IFT122: variants seen among roughly 807,000 people sequenced by gnomAD.
The protein encoded by IFT122 is intraflagellar transport protein 122 homolog.
A neutral mutation model predicts 161.6 loss-of-function variants in IFT122; 118 were observed. The observed-to-expected ratio is 0.73, with a 90% confidence interval of 0.63 to 0.85. IFT122 has a LOEUF of 0.85. IFT122 is among the 40% of genes least tolerant of loss of function. IFT122 has a pLI of 0.00. For synonymous variants in IFT122, 550 were observed against 602.4 expected (o/e 0.91, Z 1.27); for missense variants, 1,381 against 1,579.6 (o/e 0.87, Z 2.13).
chr3:129,456,561 TG>T (rs2075516618), intron 3 of IFT122, among the ~76,000 whole-genome samples: 1 of 150,160 alleles, frequency 6.7e-6, no homozygotes, highest in Admixed American at 6.6e-5. Flanking sequence ...TGCTTGAACC[TG>T]GGAGGCGGAG....
chr3:129,459,539 T>C (rs1190377449), intron 4 of IFT122: 2 of 232,666 alleles, frequency 8.6e-6, no homozygotes, highest in African/African-American at 4.8e-5. Flanking sequence ...ATTTTTTTTT[T>C]CTCACTCTTG....
intron 17 of IFT122, 137 bp downstream of exon 17, chr3:129,492,331 T>A: frequency 1.3e-6 from 1 of 781,652 alleles, no homozygotes; most frequent in Admixed American, 1.8e-5. Flanking sequence ...GGCCACAGCC[T>A]TGCTCCGGGG....
chr3:129,478,672 T>C (rs2078267080), intron 12 of IFT122, among the ~76,000 whole-genome samples: 2 of 152,164 alleles, frequency 1.3e-5, no homozygotes, highest in African/African-American at 4.8e-5. Flanking sequence ...GGAGGAATGC[T>C]TGAACCCAGG....
At chr3:129,472,403 G>A (rs1390759366) in intron 9 of IFT122, among the ~76,000 whole-genome samples, 1 of 151,942 alleles carries the variant, frequency 6.6e-6, no homozygotes, top group African/African-American at 2.4e-5. Flanking sequence ...GGGCTCAAAT[G>A]ATTCTTCTGC....
chr3:129,483,915 C>A, intron 15 of IFT122: 1 of 591,216 alleles, frequency 1.7e-6, no homozygotes, highest in Non-Finnish European at 3.1e-6. Flanking sequence ...TTCCTTGTCC[C>A]CTTTCTGTAG....
intron 23 of IFT122, among the ~76,000 whole-genome samples, chr3:129,511,110 T>C (rs773998141): frequency 1.9e-4 from 29 of 152,322 alleles, no homozygotes; most frequent in Middle Eastern, 6.8e-3. Flanking sequence ...AGAGCAGCAC[T>C]GATTCAGGGC....
intron 23 of IFT122, among the ~76,000 whole-genome samples, chr3:129,509,865 T>A (rs1578099124): frequency 6.6e-6 from 1 of 152,318 alleles, no homozygotes; most frequent in Non-Finnish European, 1.5e-5. Flanking sequence ...TTACTTATCT[T>A]CTCTGGCCTT....
rs1377554417 is a variant in IFT122 at position 129,515,616 on chromosome 3, T to A, written c.3265+17T>A. 6.9e-7 allele frequency: 1 copy of A among 1,451,478 alleles called. No homozygotes were observed. Among genetic ancestry groups the A allele is most frequent in the Non-Finnish European group, 9.7e-7 (1 of 1,033,716 alleles). The allele number at this position is 1,451,478 out of a possible 1,614,324, so 89.9% of individuals were successfully genotyped here. On this transcript the variant is annotated intron_variant, in intron 26 of 29. Coordinates refer to ENST00000348417, the MANE Select transcript of IFT122 (RefSeq NM_052989.3). ...CTTCCTACGGTGAGTCCCTGCATCC[T>A]GAGCATGTGGGTGGGACAGCCTGTG...
chr3:129,473,592 T>C (rs534989271), intron 9 of IFT122, among the ~76,000 whole-genome samples: 8 of 152,368 alleles, frequency 5.3e-5, no homozygotes, highest in African/African-American at 1.9e-4. Context: ...TGCAGTTCTT[T>C]AGCTGTAGCT....
Position 129,479,813 on chromosome 3 carries a change from G to T in IFT122, c.1379G>T (p.Ser460Ile). The T allele has an allele frequency of 6.2e-7, 1 of 1,614,036 alleles. No individual in the cohort carries two copies. Among genetic ancestry groups the T allele is most frequent in the Non-Finnish European group, 8.5e-7 (1 of 1,180,010 alleles). Residue 460 changes from serine to isoleucine, a missense_variant, in exon 13 of 30, where the codon AGC (serine) becomes ATC (isoleucine). By Grantham distance (142) the Ser-to-Ile change is moderately radical (BLOSUM62 -2). Around this residue, in one of 7 missense-constraint regions of IFT122, gnomAD observed 544 missense variants for 648.0 expected, o/e 0.84. Transcript: ENST00000348417. Reference protein sequence around the residue: ...QEKRLQCLSFSGVKEREWQME... With the variant: ...QEKRLQCLSFIGVKEREWQME... ...AAACGGCTGCAGTGCCTGTCCTTCA[G>T]CGGAGTGAAGGAGCGGGAGTGGCAG... is the stretch of plus-strand genomic sequence containing the variant.
In IFT122 at chr3:129,495,498, T is replaced by A; in HGVS notation, c.2099T>A (p.Phe700Tyr). The change falls in exon 18 of 30, where the codon TTT (phenylalanine) becomes TAT (tyrosine). Residue 700 changes from phenylalanine (F) to tyrosine (Y), a missense_variant. Phe to Tyr is a conservative substitution (Grantham distance 22). Around this residue, in one of 7 missense-constraint regions of IFT122, gnomAD observed 496 missense variants for 502.5 expected, o/e 0.99. Coordinates refer to ENST00000348417, the MANE Select transcript of IFT122 (RefSeq NM_052989.3). ...AATGACCTGTTTCTGGCAGATGTGT[T>A]TTCCTACCAGGGGAAGTTCCATGAG... Reference protein sequence around the residue: ...TNNDLFLADVFSYQGKFHEAA... With the variant: ...TNNDLFLADVYSYQGKFHEAA... 1 of 1,614,194 alleles carries A rather than the reference T, an allele frequency of 6.2e-7. No individual in the cohort carries two copies.
chr3:129,442,073 T>A (rs1056945765), intron 1 of IFT122, among the ~76,000 whole-genome samples: 14 of 152,170 alleles, frequency 9.2e-5, no homozygotes, highest in African/African-American at 2.4e-4. Context: ...AATGGCCTAA[T>A]TTTTAAATGT....
chr3:129,505,470 T>C (rs769836048), intron 21 of IFT122, among the ~76,000 whole-genome samples: 4 of 152,230 alleles, frequency 2.6e-5, no homozygotes, highest in Non-Finnish European at 5.9e-5. Context: ...GTTGCTGAAG[T>C]ATCTGCATGT....
intron 21 of IFT122, among the ~76,000 whole-genome samples, chr3:129,505,604 CCTT>C (rs751861845): frequency 1.6e-4 from 24 of 152,334 alleles, no homozygotes; most frequent in South Asian, 6.2e-4. Flanking sequence ...CAGACCTTCT[CCTT>C]CTCTGAAGGC....
chr3:129,453,079 A>G (rs1259821416), intron 3 of IFT122, among the ~76,000 whole-genome samples: 1 of 152,202 alleles, frequency 6.6e-6, no homozygotes, highest in African/African-American at 2.4e-5. Context: ...TCAGAAATTC[A>G]GTTTTATACA....
At position 129,464,784 on chromosome 3, in the gene IFT122, A is replaced by G; in HGVS notation, c.563+3A>G. On this transcript the variant is annotated splice_donor_region_variant and intron_variant, in intron 7 of 29. Coordinates refer to ENST00000348417, the MANE Select transcript of IFT122 (RefSeq NM_052989.3). ...TCCATCTGCTGGAACCCTTCAAGGTACTCTTAAAGTTGTCCTCCTTCTAGA... is the reference window on the plus strand; with the variant it reads ...TCCATCTGCTGGAACCCTTCAAGGTGCTCTTAAAGTTGTCCTCCTTCTAGA... 1.2e-6 allele frequency: 2 copies of G among 1,613,982 alleles called. No homozygotes were observed. Among genetic ancestry groups the G allele is most frequent in the Non-Finnish European group, 1.7e-6 (2 of 1,179,976 alleles).
chr3:129,514,112 G>T, intron 24 of IFT122: 2 of 520,668 alleles, frequency 3.8e-6, no homozygotes, highest in South Asian at 1.8e-5. Flanking sequence ...CCTAGTCAGG[G>T]TATAAGATGA....
chr3:129,515,269 G>A (rs1285659647), intron 25 of IFT122: 1 of 623,586 alleles, frequency 1.6e-6, no homozygotes, highest in East Asian at 2.8e-5. Context: ...CAGGTGTCTT[G>A]GGCACGGGGA....
chr3:129,506,669 C>T lies in IFT122; in HGVS notation c.2791+120C>T, dbSNP rs912016226. The T allele has an allele frequency of 3.6e-6, 5 of 1,398,866 alleles. No homozygotes were observed. The African/African-American group carries it at 7.1e-5, about 20-fold the overall frequency. The allele number at this position is 1,398,866 out of a possible 1,614,324, so 86.7% of individuals were successfully genotyped here. The stretch of plus-strand genomic sequence containing the variant: ...GGGCTTGTTTATTGGGTGTATTGTC[C>T]ATAAGCCTGCCTTGCAGTGGCGTAA... On this transcript the variant is annotated intron_variant, in intron 22 of 29. Coordinates refer to ENST00000348417, the MANE Select transcript of IFT122 (RefSeq NM_052989.3).
Sources: gnomAD v4.1 joint callset for allele counts (sites outside exome capture counted in the v4.1 genomes callset) on GRCh38, gnomAD v4.1.1 for gene constraint, gnomAD v4.1.1 regional missense constraint, MANE v1.5 for transcripts, NCBI Gene and HGNC (gene_info 2026-07-23, HGNC 2026-07-21) for gene names.